Variants in MEGF11 observed in about 807,000 individuals in gnomAD.
MEGF11 encodes the protein multiple EGF like domains 11.
A neutral mutation model predicts 146.6 loss-of-function variants in MEGF11; 126 were observed. The observed-to-expected ratio is 0.86, with a 90% CI of 0.74 to 1.00. The LOEUF is 1.00. Ranked by LOEUF, MEGF11 falls within the 50% of genes least tolerant of loss-of-function variation. The pLI, the probability that MEGF11 is intolerant of heterozygous loss-of-function variation, is 0.00. For synonymous variants in MEGF11, 532 were observed against 583.4 expected (o/e 0.91, Z 1.27); for missense variants, 1,509 against 1,521.2 (o/e 0.99, Z 0.13).
At chr15:66,153,052 A>G (rs1048405534) in intron 1 of MEGF11, among the ~76,000 whole-genome samples, 5 of 152,174 alleles carry the variant, frequency 3.3e-5, no homozygotes, top group East Asian at 3.9e-4. Flanking sequence ...CTGTCCCCCA[A>G]TGGAGAGCCT....
chr15:66,099,102 C>G (rs893974303), intron 4 of MEGF11, among the ~76,000 whole-genome samples: 1 of 152,084 alleles, frequency 6.6e-6, no homozygotes, highest in African/African-American at 2.4e-5. Flanking sequence ...AGGACATTAA[C>G]GGCCAAACAC....
At chr15:66,193,661 T>C (rs148424687) in intron 1 of MEGF11, among the ~76,000 whole-genome samples, 90 of 152,132 alleles carry the variant, frequency 5.9e-4, no homozygotes, top group African/African-American at 1.9e-3. Context: ...GTTCTGCAGG[T>C]TCAATTACAG....
intron 1 of MEGF11, among the ~76,000 whole-genome samples, chr15:66,200,329 C>G (rs1184870670): frequency 6.6e-6 from 1 of 152,164 alleles, no homozygotes; most frequent in South Asian, 2.1e-4. Context: ...AAAACAGAAA[C>G]AAACAGTGGT....
intron 10 of MEGF11, among the ~76,000 whole-genome samples, chr15:65,946,148 A>G (rs1282276118): frequency 6.6e-6 from 1 of 152,230 alleles, no homozygotes; most frequent in Non-Finnish European, 1.5e-5. Context: ...AACAGGAACT[A>G]GGCCCACTGC....
At chr15:65,931,825 A>G (rs955200768) in intron 10 of MEGF11, among the ~76,000 whole-genome samples, 1 of 152,232 alleles carries the variant, frequency 6.6e-6, no homozygotes, top group African/African-American at 2.4e-5. Flanking sequence ...TGCCATACAC[A>G]CTATCTCATT....
intron 1 of MEGF11, among the ~76,000 whole-genome samples, chr15:66,213,402 C>T (rs1374615914): frequency 6.6e-6 from 1 of 152,130 alleles, no homozygotes; most frequent in East Asian, 1.9e-4. Flanking sequence ...TACTATGTGC[C>T]AGGGATTCTT....
chr15:65,969,857 G>A (rs1384687907), intron 8 of MEGF11, among the ~76,000 whole-genome samples: 2 of 152,110 alleles, frequency 1.3e-5, no homozygotes, highest in African/African-American at 4.8e-5. Flanking sequence ...AGAGTGAGAG[G>A]GAGGAGACTT....
chr15:65,976,159 C>T (rs755219048), intron 7 of MEGF11, among the ~76,000 whole-genome samples: 2 of 151,784 alleles, frequency 1.3e-5, no homozygotes, highest in Non-Finnish European at 2.9e-5. Context: ...TCTCCTGCCT[C>T]AGCCTCCTGA....
intron 20 of MEGF11, 50 bp from the exon 21 acceptor site, chr15:65,912,250 T>C: frequency 9.1e-7 from 1 of 1,103,322 alleles, no homozygotes; most frequent in East Asian, 3.2e-5. Flanking sequence ...GCCCCTGGCA[T>C]GAGATACCCC....
At chr15:66,138,980 C>T (rs1466675315) in intron 1 of MEGF11, among the ~76,000 whole-genome samples, 1 of 152,170 alleles carries the variant, frequency 6.6e-6, no homozygotes, top group Admixed American at 6.5e-5. Context: ...TGGGGCAAGT[C>T]TGCCAGAAGG....
At chr15:66,204,200 G>A (rs1343207561) in intron 1 of MEGF11, among the ~76,000 whole-genome samples, 1 of 152,126 alleles carries the variant, frequency 6.6e-6, no homozygotes, top group African/African-American at 2.4e-5. Context: ...CCAGGAGTTT[G>A]AAACCAACCT....
intron 17 of MEGF11, chr15:65,916,618 G>T: frequency 1.1e-6 from 1 of 904,122 alleles, no homozygotes; most frequent in Non-Finnish European, 1.7e-6. Flanking sequence ...TGACCTTCCA[G>T]GACTTTGGGC....
At chr15:66,032,229 C>A (rs547620400) in intron 5 of MEGF11, among the ~76,000 whole-genome samples, 1 of 152,352 alleles carries the variant, frequency 6.6e-6, no homozygotes, top group African/African-American at 2.4e-5. Context: ...GCCTCCATAA[C>A]CATGAGCTAA....
chr15:66,242,576 G>C (rs1487707014), intron 1 of MEGF11, among the ~76,000 whole-genome samples: 1 of 152,126 alleles, frequency 6.6e-6, no homozygotes, highest in African/African-American at 2.4e-5. Flanking sequence ...ACAAGGAAAA[G>C]GAGGTCCAAA....
intron 1 of MEGF11, among the ~76,000 whole-genome samples, chr15:66,129,172 G>A (rs1349791727): frequency 1.3e-5 from 2 of 152,296 alleles, no homozygotes; most frequent in East Asian, 1.9e-4. Context: ...CTAAATTGGG[G>A]TCCCCAACAA....
chr15:65,975,209 T>C (rs770315525), intron 7 of MEGF11, among the ~76,000 whole-genome samples: 1 of 152,186 alleles, frequency 6.6e-6, no homozygotes, highest in Non-Finnish European at 1.5e-5. Flanking sequence ...CCCAGCTCAC[T>C]GTAACCTTGA....
At chr15:66,133,746 G>A (rs2088763965) in intron 1 of MEGF11, among the ~76,000 whole-genome samples, 1 of 152,030 alleles carries the variant, frequency 6.6e-6, no homozygotes, top group South Asian at 2.1e-4. Context: ...ACCAGGGGTT[G>A]GGTTTATGTT....
chr15:65,928,426 T>C lies in MEGF11; in HGVS notation c.1674A>G (p.Thr558=), dbSNP rs757964695. The C allele has an allele frequency of 5.7e-6, 9 of 1,585,890 alleles. No individual in the cohort carries two copies. Among genetic ancestry groups the C allele is most frequent in the Non-Finnish European group, 7.7e-6 (9 of 1,162,274 alleles). The change falls in exon 13 of 26, where the codon ACA becomes ACG. Residue 558 remains threonine (T), a splice_region_variant and synonymous_variant. Coordinates refer to ENST00000395614, the MANE Select transcript of MEGF11 (RefSeq NM_001385028.1). ...TGHCCCLAGW[T]GIRCDSTCPP... is the part of the protein sequence containing the mutation. ...GGTGGCACAGCAAGGGAAGGTTACCTGTCCATCCGGCCAGGCAGCAGCAGT... is the reference window on the plus strand; with the variant it reads ...GGTGGCACAGCAAGGGAAGGTTACCCGTCCATCCGGCCAGGCAGCAGCAGT...
chr15:66,063,019 A>T (rs1051175743), intron 5 of MEGF11, among the ~76,000 whole-genome samples: 1 of 152,244 alleles, frequency 6.6e-6, no homozygotes, highest in Non-Finnish European at 1.5e-5. Context: ...TAAAAATACG[A>T]TCTACAAAAA....
Sources: gnomAD v4.1 joint callset for allele counts (sites outside exome capture counted in the v4.1 genomes callset) on GRCh38, gnomAD v4.1.1 for gene constraint, MANE v1.5 for transcripts, NCBI Gene and HGNC (gene_info 2026-07-23, HGNC 2026-07-21) for gene names.